TRAPPC8: variants seen among roughly 807,000 people sequenced by gnomAD.
The protein encoded by TRAPPC8 is trafficking protein particle complex subunit 8.
Under a neutral mutation model 174.3 loss-of-function variants are expected in TRAPPC8, and 54 were observed. The ratio of observed to expected loss-of-function variants is 0.31; its 90% confidence interval spans 0.25 to 0.39. The LOEUF is 0.39. Among genes scored for constraint, TRAPPC8 ranks in the 10% least tolerant of loss-of-function variants. The probability of loss-of-function intolerance (pLI) is 1.00; values close to 1 mark genes in which losing one functional copy is unlikely to be tolerated. For missense variants in TRAPPC8, 1,531 were observed against 1,699.1 expected (o/e 0.90, Z 1.74); for synonymous variants, 630 against 579.9 (o/e 1.09, Z -1.24).
chr18:31,934,141 T>A (rs1242205342), intron 1 of TRAPPC8, among the ~76,000 whole-genome samples: 2 of 151,756 alleles, frequency 1.3e-5, no homozygotes, highest in Non-Finnish European at 2.9e-5. Context: ...TGAGCCAAGA[T>A]TGCGCCACTG....
chr18:31,941,551 A>C (rs2038345244), intron 1 of TRAPPC8, among the ~76,000 whole-genome samples: 1 of 152,244 alleles, frequency 6.6e-6, no homozygotes, highest in Non-Finnish European at 1.5e-5. Flanking sequence ...ATACAGGCTA[A>C]AGAAAATCCA....
chr18:31,852,341 C>T (rs11081719), intron 24 of TRAPPC8, 105 bp downstream of exon 24: 2 of 1,309,600 alleles, frequency 1.5e-6, no homozygotes, highest in South Asian at 1.3e-5. Context: ...TGTCTCCCCC[C>T]CAAAAAAAAG....
At chr18:31,930,502 A>G (rs890505866) in intron 2 of TRAPPC8, among the ~76,000 whole-genome samples, 3 of 152,248 alleles carry the variant, frequency 2.0e-5, no homozygotes, top group African/African-American at 7.2e-5. Flanking sequence ...AGATTACTTT[A>G]TTAGACTGCT....
intron 9 of TRAPPC8, among the ~76,000 whole-genome samples, chr18:31,906,633 C>T (rs1251601146): frequency 1.3e-5 from 2 of 152,092 alleles, no homozygotes; most frequent in Non-Finnish European, 1.5e-5. Flanking sequence ...CTTTTCTGAA[C>T]ACATAAAGCA....
At chr18:31,936,902 TAAAAAAAAA>T (rs376783471) in intron 1 of TRAPPC8, among the ~76,000 whole-genome samples, 8 of 92,516 alleles carry the variant, frequency 8.6e-5, no homozygotes, top group Admixed American at 3.4e-4. Context: ...ACTCCGTCTT[TAAAAAAAAA>T]AAAAAAAAAA....
At chr18:31,919,496 G>A (rs2037283648) in intron 2 of TRAPPC8, among the ~76,000 whole-genome samples, 1 of 150,332 alleles carries the variant, frequency 6.7e-6, no homozygotes, top group African/African-American at 2.4e-5. Flanking sequence ...TGGCGTCACT[G>A]TACTCCAGCC....
chr18:31,939,712 A>C (rs1357403123), intron 1 of TRAPPC8: 1 of 152,192 alleles, frequency 6.6e-6, no homozygotes, highest in African/African-American at 2.4e-5. Flanking sequence ...AAAATTAGCC[A>C]GGCATGATGG....
intron 25 of TRAPPC8, among the ~76,000 whole-genome samples, chr18:31,849,285 T>C (rs1568041367): frequency 6.6e-6 from 1 of 152,102 alleles, no homozygotes; most frequent in Non-Finnish European, 1.5e-5. Context: ...TGTAGAATGT[T>C]TGGAAATGCC....
Position 31,841,599 on chromosome 18 carries a change from A to C in TRAPPC8, c.3838-2142T>G, listed in dbSNP as rs368584350. ...TATATACAAATACAGTTCTATTTTG[A>C]ACTACTGTGCTATACTGCTTTGGCA... is the stretch of plus-strand genomic sequence containing the variant. On this transcript the variant is annotated intron_variant, in intron 26 of 28. Transcript: ENST00000283351. 5.3e-5 allele frequency among the ~76,000 whole-genome samples: 8 copies of C among 152,200 alleles called. No individual in the cohort carries two copies. In the East Asian group the frequency reaches 1.2e-3, roughly 22 times the overall value.
At chr18:31,876,553 T>C (rs1049706557) in intron 12 of TRAPPC8, among the ~76,000 whole-genome samples, 1 of 146,134 alleles carries the variant, frequency 6.8e-6, no homozygotes, top group Non-Finnish European at 1.5e-5. Context: ...ATGCCAGTTC[T>C]CCTCAGAAAG....
intron 2 of TRAPPC8, among the ~76,000 whole-genome samples, chr18:31,918,627 G>C (rs183537756): frequency 6.6e-6 from 1 of 152,198 alleles, no homozygotes; most frequent in African/African-American, 2.4e-5. Context: ...TGATATGGCT[G>C]GTAAATCTTA....
intron 25 of TRAPPC8, among the ~76,000 whole-genome samples, chr18:31,848,693 A>G (rs1321079185): frequency 6.6e-6 from 1 of 152,216 alleles, no homozygotes. Context: ...ATCACCTAGT[A>G]TGAACATGTC....
chr18:31,842,821 A>G (rs1007967526), intron 26 of TRAPPC8, among the ~76,000 whole-genome samples: 3 of 152,248 alleles, frequency 2.0e-5, no homozygotes, highest in African/African-American at 4.8e-5. Flanking sequence ...TGATGCAAAT[A>G]TTCCAAAATC....
chr18:31,836,814 T>A (rs951290027), intron 27 of TRAPPC8, among the ~76,000 whole-genome samples: 22 of 143,920 alleles, frequency 1.5e-4, no homozygotes, highest in African/African-American at 5.8e-4. Flanking sequence ...CAGGCTGGAC[T>A]GCAGTGGCAC....
rs373147656 is a variant in TRAPPC8, at chr18:31,852,503, C to A, written c.3504G>T (p.Ala1168=). ...FKAIRCEKEE[A]ATQSSEKYTF... is the part of the protein sequence containing the mutation. ...TATATTTTTCAGAGGACTGTGTGGC[C>A]GCTAAAAAACAGGGGAAAACAAACT... Residue 1168 remains alanine (A), a splice_region_variant and synonymous_variant, in exon 24 of 29, where the codon GCG becomes GCT. Coordinates refer to ENST00000283351, the MANE Select transcript of TRAPPC8 (RefSeq NM_014939.5). 1 of 1,613,990 alleles carries A rather than the reference C, an allele frequency of 6.2e-7. No individual in the cohort carries two copies. The highest frequency in any genetic ancestry group is 1.3e-5 in the African/African-American group (1 of 74,968).
intron 2 of TRAPPC8, chr18:31,926,402 G>A (rs1002824344): frequency 1.3e-5 from 2 of 151,750 alleles, no homozygotes; most frequent in African/African-American, 4.8e-5. Context: ...CTCTCGAGTA[G>A]AAAATACAGT....
At chr18:31,894,114 T>C (rs910253061) in intron 11 of TRAPPC8, among the ~76,000 whole-genome samples, 2 of 152,224 alleles carry the variant, frequency 1.3e-5, no homozygotes, top group African/African-American at 2.4e-5. Flanking sequence ...TTAATTTGGC[T>C]GAAACAAAAT....
At chr18:31,936,548 G>A (rs78212227) in intron 1 of TRAPPC8, among the ~76,000 whole-genome samples, 5 of 152,126 alleles carry the variant, frequency 3.3e-5, no homozygotes, top group African/African-American at 1.2e-4. Context: ...ACACCTTGGA[G>A]ATTAATTACT....
At chr18:31,921,332 G>C (rs2037379463) in intron 2 of TRAPPC8, among the ~76,000 whole-genome samples, 1 of 152,104 alleles carries the variant, frequency 6.6e-6, no homozygotes, top group Non-Finnish European at 1.5e-5. Flanking sequence ...GAGATCTTTA[G>C]GTCAGGCACG....
Sources: allele counts gnomAD v4.1 joint callset (sites outside exome capture counted in the v4.1 genomes callset), GRCh38; gene constraint gnomAD v4.1.1; transcripts MANE v1.5; gene names NCBI Gene and HGNC (gene_info 2026-07-23, HGNC 2026-07-21).